R3HDM2: variants seen among roughly 807,000 people sequenced by gnomAD.
The protein encoded by R3HDM2 is R3H domain containing 2, also known as R3H domain-containing protein 2.
R3HDM2 carries 38 observed loss-of-function variants against 124.5 expected under a neutral mutation model. The observed-to-expected ratio is 0.31, with a 90% CI of 0.24 to 0.40. The LOEUF is 0.40. Among genes scored for constraint, R3HDM2 ranks in the 10% least tolerant of loss-of-function variants. The pLI, the probability that R3HDM2 is intolerant of heterozygous loss-of-function variation, is 1.00. For synonymous variants in R3HDM2, 391 were observed against 448.0 expected, an observed-to-expected ratio of 0.87 and a Z score of 1.61; for missense variants, 869 against 1,236.9, an observed-to-expected ratio of 0.70 and a Z score of 4.46.
intron 1 of R3HDM2, among the ~76,000 whole-genome samples, chr12:57,413,854 T>C (rs2069264429): frequency 6.7e-6 from 1 of 149,226 alleles, no homozygotes. Flanking sequence ...CCCCTTTTTT[T>C]TTTTTTTTTT....
At chr12:57,410,342 A>C (rs2068900835) in intron 1 of R3HDM2, among the ~76,000 whole-genome samples, 2 of 138,672 alleles carry the variant, frequency 1.4e-5, no homozygotes, top group Non-Finnish European at 3.1e-5. Flanking sequence ...AAAAAAAAAA[A>C]CTTCACATTT....
intron 23 of R3HDM2, 105 bp from the exon 24 acceptor site, chr12:57,255,218 G>A: frequency 1.1e-6 from 1 of 930,052 alleles, no homozygotes; most frequent in East Asian, 2.6e-5. Flanking sequence ...TGTATACAAT[G>A]TCTTCAAAAG....
At chr12:57,288,650 G>A (rs139749611) in intron 12 of R3HDM2, among the ~76,000 whole-genome samples, 103 of 152,048 alleles carry the variant, frequency 6.8e-4, no homozygotes, top group African/African-American at 2.3e-3. Context: ...TTTAGGACTC[G>A]AAATGAAATC....
intron 2 of R3HDM2, among the ~76,000 whole-genome samples, chr12:57,328,545 GA>G (rs769784951): frequency 6.6e-6 from 1 of 151,944 alleles, no homozygotes; most frequent in Non-Finnish European, 1.5e-5. Context: ...TTTGTTTTGA[GA>G]CAGGGTCTCT....
rs996677213 is a variant in R3HDM2 at position 57,256,314 on chromosome 12, G to A, written c.2547+100C>T. The A allele has an allele frequency of 1.7e-5, 19 of 1,089,224 alleles. No homozygotes were observed. In the African/African-American group the frequency reaches 2.2e-4, roughly 13 times the overall value. 67.5% of individuals were successfully genotyped at this position (1,089,224 alleles called of 1,614,324 possible). On this transcript the variant is annotated intron_variant, in intron 22 of 23. Transcript: ENST00000402412. ...AAGGCTCCTGCTTTGTTCATTCTGTGTTATTTCCCTTGTATACCCAGCTGG... is the reference window on the plus strand; with the variant it reads ...AAGGCTCCTGCTTTGTTCATTCTGTATTATTTCCCTTGTATACCCAGCTGG...
At chr12:57,384,414 G>A (rs1357173786) in intron 2 of R3HDM2, among the ~76,000 whole-genome samples, 2 of 151,608 alleles carry the variant, frequency 1.3e-5, no homozygotes, top group South Asian at 4.2e-4. Context: ...GATTATTTTA[G>A]AGGTTTAACA....
At chr12:57,378,758 T>C (rs2138227346) in intron 2 of R3HDM2, among the ~76,000 whole-genome samples, 1 of 152,284 alleles carries the variant, frequency 6.6e-6, no homozygotes, top group African/African-American at 2.4e-5. Flanking sequence ...GAAAATAGGG[T>C]CTCAAACAGA....
chr12:57,335,104 T>C (rs2058683616), intron 2 of R3HDM2, among the ~76,000 whole-genome samples: 1 of 151,952 alleles, frequency 6.6e-6, no homozygotes, highest in Non-Finnish European at 1.5e-5. Context: ...ATTGGGCCAT[T>C]GCACTCCAGC....
chr12:57,277,260 GC>G (rs1355539060), intron 14 of R3HDM2, among the ~76,000 whole-genome samples: 1 of 151,962 alleles, frequency 6.6e-6, no homozygotes, highest in African/African-American at 2.4e-5. Context: ...GGAGATCCTG[GC>G]CCTTTAATCC....
At chr12:57,373,953 C>A (rs1386532588) in intron 2 of R3HDM2, among the ~76,000 whole-genome samples, 1 of 151,592 alleles carries the variant, frequency 6.6e-6, no homozygotes, top group African/African-American at 2.4e-5. Context: ...CATGGTGAAA[C>A]CCCGCCTCTA....
Position 57,296,275 on chromosome 12 carries a change from C to T in R3HDM2, c.701+136G>A. 9.8e-7 allele frequency: 1 copy of T among 1,025,044 alleles called. No individual in the cohort carries two copies. The highest frequency in any genetic ancestry group is 1.4e-6 in the Non-Finnish European group (1 of 707,490). 63.5% of individuals were successfully genotyped at this position (1,025,044 alleles called of 1,614,324 possible). On this transcript the variant is annotated intron_variant, in intron 9 of 23. Transcript: ENST00000402412. The surrounding 1 kb of genome is among the most constrained non-coding windows in gnomAD (Gnocchi z 4.5). ...TCAAGCAGTCTTCCCATCTTGGCCTCCCAAAGTGCTGGGATTACAGGTGTG... is the reference window on the plus strand; with the variant it reads ...TCAAGCAGTCTTCCCATCTTGGCCTTCCAAAGTGCTGGGATTACAGGTGTG...
chr12:57,302,610 G>C (rs935701631), intron 4 of R3HDM2, among the ~76,000 whole-genome samples: 1 of 147,426 alleles, frequency 6.8e-6, no homozygotes, highest in Non-Finnish European at 1.5e-5. Context: ...AGGTTGCAGC[G>C]AGCCAGGATT....
At chr12:57,425,731 G>C (rs906743022) in intron 1 of R3HDM2, among the ~76,000 whole-genome samples, 3 of 152,172 alleles carry the variant, frequency 2.0e-5, no homozygotes, top group Non-Finnish European at 4.4e-5. Context: ...CTGGGAGGCG[G>C]AGGTGGTAGT....
chr12:57,277,218 G>A (rs1333609426), intron 14 of R3HDM2, among the ~76,000 whole-genome samples: 1 of 151,938 alleles, frequency 6.6e-6, no homozygotes, highest in Admixed American at 6.6e-5. Flanking sequence ...TTTTCAAGAA[G>A]TCTACTTCAT....
chr12:57,430,609 C>A, intron 1 of R3HDM2, 111 bp downstream of exon 1: 3 of 984,608 alleles, frequency 3.0e-6, no homozygotes, highest in Non-Finnish European at 3.6e-6. Flanking sequence ...GGCTGCCGGG[C>A]GCGAGGAACC....
intron 3 of R3HDM2, among the ~76,000 whole-genome samples, chr12:57,306,699 C>T (rs1290497731): frequency 3.3e-5 from 5 of 152,058 alleles, no homozygotes; most frequent in African/African-American, 7.2e-5. Context: ...TGAGCCACCG[C>T]GCCTGGCCTC....
At chr12:57,319,505 C>T (rs931203217) in intron 2 of R3HDM2, among the ~76,000 whole-genome samples, 1 of 145,568 alleles carries the variant, frequency 6.9e-6, no homozygotes, top group Non-Finnish European at 1.5e-5. Flanking sequence ...CAAAATTTAC[C>T]TCTTTGGTAG....
At position 57,259,056 on chromosome 12, in the gene R3HDM2, A is replaced by G. The variant is rs1240297393; in HGVS notation, c.2135T>C (p.Val712Ala). The change falls in exon 20 of 24, where the codon GTG becomes GCG. Residue 712 changes from valine (V) to alanine (A), a missense_variant. Val to Ala is a moderately conservative substitution (Grantham distance 64). This residue lies in a region of R3HDM2 where 602 missense variants were observed against 789.2 expected (regional missense o/e 0.76). Coordinates refer to ENST00000402412, the MANE Select transcript of R3HDM2 (RefSeq NM_001394031.1). Reference sequence around the variant, plus strand: ...CACTACACCTGGTCCAGAAGGTGACACTCCTGAAGGGCAGGAAGAAAGCAG... The same window carrying G: ...CACTACACCTGGTCCAGAAGGTGACGCTCCTGAAGGGCAGGAAGAAAGCAG... ...PPQMPQQYSG[V>A]SPSGPGVVVM... The G allele has an allele frequency of 1.2e-6, 2 of 1,608,654 alleles. No individual in the cohort carries two copies. Among genetic ancestry groups the G allele is most frequent in the Non-Finnish European group, 1.7e-6 (2 of 1,178,126 alleles).
chr12:57,334,272 A>G (rs2058584904), intron 2 of R3HDM2, among the ~76,000 whole-genome samples: 1 of 152,268 alleles, frequency 6.6e-6, no homozygotes, highest in African/African-American at 2.4e-5. Context: ...AACACCTTAC[A>G]CCATTTTTGA....
Sources: allele counts gnomAD v4.1 joint callset (sites outside exome capture counted in the v4.1 genomes callset), GRCh38; gene constraint gnomAD v4.1.1; regional missense constraint gnomAD v4.1.1; non-coding constraint Gnocchi (gnomAD v3.1); transcripts MANE v1.5; gene names NCBI Gene and HGNC (gene_info 2026-07-23, HGNC 2026-07-21).